The following SMARCAD1 variants were observed in gnomAD, a reference collection of about 807,000 sequenced individuals.
SMARCAD1 encodes the protein SWI/SNF-related matrix-associated actin-dependent regulator of chromatin subfamily A containing DEAD/H box 1.
Under a neutral mutation model 127.1 loss-of-function variants are expected in SMARCAD1, and 25 were observed. The ratio of observed to expected loss-of-function variants is 0.20; its 90% CI spans 0.14 to 0.27. The LOEUF (loss-of-function observed/expected upper bound fraction) is 0.27. Ranked by LOEUF, SMARCAD1 falls within the 10% of genes least tolerant of loss-of-function variation. SMARCAD1 has a pLI of 1.00. For missense variants in SMARCAD1, 807 were observed against 1,206.0 expected (o/e 0.67, Z 4.90); for synonymous variants, 400 against 396.9 (o/e 1.01, Z -0.09).
intron 16 of SMARCAD1, 56 bp downstream of exon 16, chr4:94,277,215 A>G (rs1322847153): frequency 1.4e-5 from 22 of 1,593,808 alleles, no homozygotes; most frequent in Middle Eastern, 1.7e-4. Context: ...TATCTGGGCC[A>G]TTCTTCTGTT....
At chr4:94,273,177 A>G (rs1668787360) in intron 11 of SMARCAD1, among the ~76,000 whole-genome samples, 1 of 152,206 alleles carries the variant, frequency 6.6e-6, no homozygotes, top group Admixed American at 6.5e-5. Context: ...CCTTTTGCCA[A>G]CATAAGCGCT....
At chr4:94,283,012 A>T (rs1282953888) in intron 21 of SMARCAD1, 109 bp from the exon 22 acceptor site, 5 of 869,040 alleles carry the variant, frequency 5.8e-6, no homozygotes, top group African/African-American at 5.0e-5. Flanking sequence ...ATACTAAGAG[A>T]TGTACATACA....
chr4:94,257,679 G>A lies in SMARCAD1; in HGVS notation c.1281+4672G>A, dbSNP rs139643685. On this transcript the variant is annotated intron_variant, in intron 9 of 23. Transcript: ENST00000354268. ...AAATAATTCTATAGGCTTGTTCTCC[G>A]CCCCCACAAAAAAAAATCTATATCC... Among the ~76,000 whole-genome samples the A allele has an allele frequency of 4.6e-3, 689 of 151,154 alleles. 2 individuals carry two copies. The highest frequency in any genetic ancestry group is 0.012 in the African/African-American group (488 of 41,226).
chr4:94,239,941 G>T (rs376232785), intron 5 of SMARCAD1, among the ~76,000 whole-genome samples: 4 of 152,024 alleles, frequency 2.6e-5, no homozygotes, highest in East Asian at 3.8e-4. Context: ...TGGTTTGAAG[G>T]TTTTTTTCAG....
intron 3 of SMARCAD1, among the ~76,000 whole-genome samples, chr4:94,226,903 T>G (rs1274884039): frequency 2.6e-5 from 4 of 151,890 alleles, no homozygotes; most frequent in Non-Finnish European, 2.9e-5. Flanking sequence ...GGGGTCTTGC[T>G]ATGTTGTCCA....
In SMARCAD1 at chr4:94,225,146, A is replaced by G. The variant is rs115484243; in HGVS notation, c.191-973A>G. On this transcript the variant is annotated intron_variant, in intron 2 of 23. Transcript: ENST00000354268. ...TTTATTGACCTGTTTTTGAACAGAC[A>G]GATGATACCAATCATACTAGTTTTC... Among the ~76,000 whole-genome samples, 1,180 of 152,360 alleles carry G rather than the reference A, an allele frequency of 7.7e-3. 10 individuals carry two copies. The highest frequency in any genetic ancestry group is 0.027 in the African/African-American group (1,120 of 41,596).
chr4:94,278,768 G>T (rs1753633122), intron 18 of SMARCAD1, 35 bp downstream of exon 18: 1 of 1,605,354 alleles, frequency 6.2e-7, no homozygotes, highest in African/African-American at 1.3e-5. Flanking sequence ...ATGTGAAAAA[G>T]AATCTTGTAC....
In SMARCAD1 at chr4:94,264,414, TATAAG is replaced by T. The variant is rs543432377; in HGVS notation, c.1282-291_1282-287del. The T allele has an allele frequency of 1.9e-4, 49 of 261,144 alleles. 1 individual carries two copies. The highest frequency in any genetic ancestry group is 1.2e-3 in the East Asian group (15 of 12,570). The allele number at this position is 261,144 out of a possible 1,614,324, so 16.2% of individuals were successfully genotyped here. A position where few individuals can be genotyped will look rare whatever the true frequency, so the allele number is the denominator to read the frequency against. ...AACAATTACTTGTGAATGTTTCTCTTATAAGAGAATAGCTGCCAGGGTCAAAGTAA... is the reference window on the plus strand; with the variant it reads ...AACAATTACTTGTGAATGTTTCTCTTAGAATAGCTGCCAGGGTCAAAGTAA... On this transcript the variant is annotated intron_variant, in intron 9 of 23. Transcript: ENST00000354268.
intron 16 of SMARCAD1, 112 bp downstream of exon 16, chr4:94,277,271 CT>C (rs1753437719): frequency 8.9e-6 from 11 of 1,230,254 alleles, no homozygotes; most frequent in Non-Finnish European, 1.3e-5. Context: ...TATGAAGTAA[CT>C]TTAAGTAGGT....
chr4:94,237,121 A>G, intron 5 of SMARCAD1, 103 bp downstream of exon 5: 1 of 971,488 alleles, frequency 1.0e-6, no homozygotes, highest in South Asian at 1.3e-5. Context: ...ACCTTTATGA[A>G]TTCTTACAGG....
intron 3 of SMARCAD1, among the ~76,000 whole-genome samples, chr4:94,227,308 A>G (rs1745179974): frequency 6.6e-6 from 1 of 152,222 alleles, no homozygotes; most frequent in South Asian, 2.1e-4. Context: ...TTTGGTTTTT[A>G]TTCTGACTGA....
At chr4:94,221,520 T>C (rs1394862723) in intron 2 of SMARCAD1, among the ~76,000 whole-genome samples, 1 of 152,222 alleles carries the variant, frequency 6.6e-6, no homozygotes, top group East Asian at 1.9e-4. Context: ...TTGTGAGGCA[T>C]AATTTTTTCA....
At position 94,211,814 on chromosome 4, in the gene SMARCAD1, T is replaced by G. The variant is rs1315559250; in HGVS notation, c.190+3230T>G. ...ATATGACTCAGATGCTTTGTTTCATTAAATCTCAGTAAAATGTCACCTTTT... is the reference window on the plus strand; with the variant it reads ...ATATGACTCAGATGCTTTGTTTCATGAAATCTCAGTAAAATGTCACCTTTT... On this transcript the variant is annotated intron_variant, in intron 2 of 23. Transcript: ENST00000354268. Among the ~76,000 whole-genome samples the G allele has an allele frequency of 2.0e-5, 3 of 152,192 alleles. No individual in the cohort carries two copies. In the East Asian group the frequency reaches 5.8e-4, roughly 29 times the overall value.
rs568482298 is a variant in SMARCAD1, at chr4:94,283,757, A to G, written c.2909+454A>G. On this transcript the variant is annotated intron_variant, in intron 22 of 23. Coordinates refer to ENST00000354268, the MANE Select transcript of SMARCAD1 (RefSeq NM_020159.5). ...GGAGAACGGCGTGAACCTGGGAGGC[A>G]GAGCTTGCAGTGAGCCGAGATCACC... Among the ~76,000 whole-genome samples, 9 of 151,618 alleles carry G rather than the reference A, an allele frequency of 5.9e-5. No individual in the cohort carries two copies. In the South Asian group the frequency reaches 6.3e-4, roughly 11 times the overall value.
chr4:94,234,670 A>G (rs986551080), intron 4 of SMARCAD1, among the ~76,000 whole-genome samples: 1 of 152,228 alleles, frequency 6.6e-6, no homozygotes, highest in African/African-American at 2.4e-5. Flanking sequence ...TGACCAATTT[A>G]GTTTTAGGTA....
intron 23 of SMARCAD1, among the ~76,000 whole-genome samples, chr4:94,285,685 G>A (rs1329053653): frequency 3.9e-5 from 6 of 152,162 alleles, no homozygotes; most frequent in East Asian, 1.9e-4. Flanking sequence ...AGAGAAGTGC[G>A]TATGATCAAA....
chr4:94,273,935 T>C (rs1156860311), intron 12 of SMARCAD1, among the ~76,000 whole-genome samples: 1 of 152,228 alleles, frequency 6.6e-6, no homozygotes, highest in Non-Finnish European at 1.5e-5. Flanking sequence ...TAAGTCAGTT[T>C]TAAAATTTTA....
rs117661863 is a variant in SMARCAD1 at position 94,241,737 on chromosome 4, G to T, written c.705+731G>T. Among the ~76,000 whole-genome samples, 104 of 152,240 alleles carry T rather than the reference G, an allele frequency of 6.8e-4. No individual in the cohort carries two copies. The East Asian group carries it at 0.019, about 28-fold the overall frequency. On this transcript the variant is annotated intron_variant, in intron 6 of 23. Coordinates refer to ENST00000354268, the MANE Select transcript of SMARCAD1 (RefSeq NM_020159.5). Reference sequence around the variant, plus strand: ...ATGGTGCTATAATGGGAACTCGTTGGCCTCTGTTCCTTGCAGGTTGAGCAC... The same window carrying T: ...ATGGTGCTATAATGGGAACTCGTTGTCCTCTGTTCCTTGCAGGTTGAGCAC...
At chr4:94,210,157 A>T (rs1335866862) in intron 2 of SMARCAD1, among the ~76,000 whole-genome samples, 1 of 152,144 alleles carries the variant, frequency 6.6e-6, no homozygotes, top group Non-Finnish European at 1.5e-5. Flanking sequence ...GATAACACTC[A>T]TTTTCTCTTT....
Sources: allele counts gnomAD v4.1 joint callset (sites outside exome capture counted in the v4.1 genomes callset), GRCh38; gene constraint gnomAD v4.1.1; transcripts MANE v1.5; gene names NCBI Gene and HGNC (gene_info 2026-07-23, HGNC 2026-07-21).